ATG2B: variants seen among roughly 807,000 people sequenced by gnomAD.
ATG2B encodes the protein autophagy related 2B, also known as autophagy-related protein 2 homolog B.
In ATG2B, 121 loss-of-function variants were observed where a neutral mutation model predicts 241.3. The ratio of observed to expected loss-of-function variants is 0.50; its 90% CI spans 0.43 to 0.58. The LOEUF (loss-of-function observed/expected upper bound fraction) is 0.58, where lower values mean the gene tolerates loss of function less well. Ranked by LOEUF, ATG2B falls within the 20% of genes least tolerant of loss-of-function variation. The pLI, the probability that ATG2B is intolerant of heterozygous loss-of-function variation, is 0.00. For missense variants in ATG2B, 2,306 were observed against 2,491.6 expected (o/e 0.93, Z 1.59); for synonymous variants, 858 against 876.6 (o/e 0.98, Z 0.37).
At chr14:96,327,403 G>C (rs376076205) in intron 14 of ATG2B, among the ~76,000 whole-genome samples, 1 of 152,048 alleles carries the variant, frequency 6.6e-6, no homozygotes, top group Non-Finnish European at 1.5e-5. Flanking sequence ...ATTCCTAACA[G>C]ACTTCTTGCA....
At chr14:96,309,303 A>G (rs1887085377) in intron 29 of ATG2B, 150 bp downstream of exon 29, 2 of 964,988 alleles carry the variant, frequency 2.1e-6, no homozygotes, top group Non-Finnish European at 3.0e-6. Flanking sequence ...TATTTACTAG[A>G]CACTGAGTAG....
At position 96,315,481 on chromosome 14, in the gene ATG2B, A is replaced by T. The variant is rs748010914; in HGVS notation, c.3464T>A (p.Leu1155His). The T allele has an allele frequency of 1.2e-6, 2 of 1,614,062 alleles. No homozygotes were observed. The highest frequency in any genetic ancestry group is 1.7e-6 in the Non-Finnish European group (2 of 1,180,000). Residue 1155 changes from leucine (L) to histidine (H), a missense_variant, in exon 22 of 42, where the codon CTC becomes CAC. Physicochemically the swap from Leu to His is moderately conservative, Grantham distance 99. Transcript: ENST00000359933. Reference sequence around the variant, plus strand: ...AACTCCATCTGAAGAAGTTTTACTGAGGCCATCTTCTTCAGAGGAATAAAT... The same window carrying T: ...AACTCCATCTGAAGAAGTTTTACTGTGGCCATCTTCTTCAGAGGAATAAAT... Reference protein sequence around the residue: ...PTIYSSEEDGLSKTSSDGVGG... With the variant: ...PTIYSSEEDGHSKTSSDGVGG...
rs527584647 is a variant in ATG2B at position 96,317,300 on chromosome 14, C to A, written c.3055G>T (p.Glu1019Ter). The A allele has an allele frequency of 6.2e-7, 1 of 1,612,290 alleles. No homozygotes were observed. Among genetic ancestry groups the A allele is most frequent in the East Asian group, 2.2e-5 (1 of 44,812 alleles). ...AVHYDEESGS[E>*]EETLQYFSTV... Reference sequence around the variant, plus strand: ...GAAAAATACTGCAAAGTCTCCTCCTCAGATCCACTTTCCTCATCTATGAGA... The same window carrying A: ...GAAAAATACTGCAAAGTCTCCTCCTAAGATCCACTTTCCTCATCTATGAGA... Residue 1019 changes from glutamate (E) to a stop codon, truncating the protein, a stop_gained, in exon 20 of 42, where the codon GAG becomes TAG. Transcript: ENST00000359933. LOFTEE classifies it high-confidence loss of function.
chr14:96,292,070 T>G lies in ATG2B; in HGVS notation c.5455A>C (p.Ile1819Leu). 6.3e-7 allele frequency: 1 copy of G among 1,598,264 alleles called. No individual in the cohort carries two copies. Among genetic ancestry groups the G allele is most frequent in the South Asian group, 1.1e-5 (1 of 88,298 alleles). The change falls in exon 37 of 42, where the codon ATT (isoleucine) becomes CTT (leucine). Residue 1819 changes from isoleucine to leucine, a missense_variant. Coordinates refer to ENST00000359933, the MANE Select transcript of ATG2B (RefSeq NM_018036.7). The stretch of plus-strand genomic sequence containing the variant: ...TGTTTGCCATGATAATCAAGTCGAA[T>G]GGGAACTTCTGACGTGAATCTAAAT... ...REFRFTSEVP[I>L]RLDYHGKHVS...
At chr14:96,287,684 A>C (rs1886376122) in intron 41 of ATG2B, among the ~76,000 whole-genome samples, 4 of 152,242 alleles carry the variant, frequency 2.6e-5, no homozygotes, top group Admixed American at 2.6e-4. Flanking sequence ...CACCCTCGTA[A>C]GTGCCTGACT....
rs1173818666 is a variant in ATG2B, at chr14:96,317,274, G to A, written c.3081C>T (p.Ser1027=). ...GSEEETLQYF[S]TVDPNYRSRR... ...GAGAACGATAGTTGGGATCAACAGTGGAAAAATACTGCAAAGTCTCCTCCT... is the reference window on the plus strand; with the variant it reads ...GAGAACGATAGTTGGGATCAACAGTAGAAAAATACTGCAAAGTCTCCTCCT... Residue 1027 remains serine (S), a synonymous_variant, in exon 20 of 42, where the codon TCC becomes TCT. Transcript: ENST00000359933. 1.2e-6 allele frequency: 2 copies of A among 1,613,238 alleles called. No individual in the cohort carries two copies. The highest frequency in any genetic ancestry group is 1.7e-6 in the Non-Finnish European group (2 of 1,179,590).
intron 27 of ATG2B, 119 bp downstream of exon 27, chr14:96,311,423 T>G: frequency 8.6e-7 from 1 of 1,167,380 alleles, no homozygotes; most frequent in Non-Finnish European, 1.2e-6. Context: ...AATAAATCCA[T>G]TTTTAATATA....
At chr14:96,347,479 A>T (rs1475967541) in intron 1 of ATG2B, 138 bp from the exon 2 acceptor site, 2 of 580,018 alleles carry the variant, frequency 3.4e-6, no homozygotes, top group African/African-American at 1.8e-5. Context: ...AAGTACAGGC[A>T]ATCAAAGCAA....
intron 6 of ATG2B, among the ~76,000 whole-genome samples, chr14:96,340,209 TTG>T (rs199502512): frequency 0.013 from 1,210 of 90,142 alleles, 25 homozygotes; most frequent in East Asian, 0.098. Context: ...ACACACATCT[TTG>T]TGTGTGTGTG....
intron 19 of ATG2B, 107 bp downstream of exon 19, chr14:96,317,591 T>C (rs749015212): frequency 4.2e-5 from 42 of 1,006,582 alleles, no homozygotes; most frequent in Non-Finnish European, 5.9e-5. Flanking sequence ...TTGCAAAATA[T>C]AGTTACAATG....
At position 96,315,171 on chromosome 14, in the gene ATG2B, G is replaced by A. The variant is rs1233409390; in HGVS notation, c.3625C>T (p.Leu1209Phe). The A allele has an allele frequency of 1.2e-6, 2 of 1,613,944 alleles. No individual in the cohort carries two copies. Among genetic ancestry groups the A allele is most frequent in the Admixed American group, 1.7e-5 (1 of 60,016 alleles). The change falls in exon 23 of 42, where the codon CTT (leucine) becomes TTT (phenylalanine). Residue 1209 changes from leucine to phenylalanine, a missense_variant. Physicochemically the swap from Leu to Phe is conservative, Grantham distance 22. This residue lies in a region of ATG2B where 1,927 missense variants were observed against 2,011.2 expected (regional missense o/e 0.96). Coordinates refer to ENST00000359933, the MANE Select transcript of ATG2B (RefSeq NM_018036.7). ...TLQHRMLPSG[L>F]SWHEQILYFL... is the part of the protein sequence containing the mutation. The stretch of plus-strand genomic sequence containing the variant: ...TCTCTTACCTGCTCATGCCAGCTAA[G>A]CCCAGAAGGAAGCATTCTATGCTGG...
chr14:96,357,581 C>T (rs904066022), intron 1 of ATG2B, among the ~76,000 whole-genome samples: 7 of 152,164 alleles, frequency 4.6e-5, no homozygotes, highest in African/African-American at 1.7e-4. Flanking sequence ...GTGGAGAAAA[C>T]CTGCTCCTTC....
intron 36 of ATG2B, chr14:96,293,194 T>C (rs1432937281): frequency 1.3e-5 from 2 of 152,116 alleles, no homozygotes; most frequent in African/African-American, 4.8e-5. Context: ...TCCTAAGCCA[T>C]CTCACCAAAG....
intron 18 of ATG2B, among the ~76,000 whole-genome samples, chr14:96,319,682 T>A (rs1349337015): frequency 5.3e-5 from 8 of 152,204 alleles, no homozygotes; most frequent in Admixed American, 2.6e-4. Context: ...GCTTCCTGCT[T>A]CTGAGAGCTG....
intron 11 of ATG2B, 118 bp from the exon 12 acceptor site, chr14:96,329,752 A>G: frequency 1.7e-6 from 1 of 578,838 alleles, no homozygotes; most frequent in Non-Finnish European, 2.8e-6. Flanking sequence ...AACCAGAAAG[A>G]TTGCTTCAAA....
intron 25 of ATG2B, among the ~76,000 whole-genome samples, chr14:96,312,630 G>C (rs1442174451): frequency 6.6e-6 from 1 of 152,020 alleles, no homozygotes; most frequent in African/African-American, 2.4e-5. Flanking sequence ...CACGTCTATA[G>C]TCCTAGCTAC....
At chr14:96,345,464 A>G (rs1448689002) in intron 2 of ATG2B, 79 bp from the exon 3 acceptor site, 2 of 1,058,988 alleles carry the variant, frequency 1.9e-6, no homozygotes, top group African/African-American at 3.3e-5. Flanking sequence ...TACATTTCAA[A>G]TAGACAAATT....
chr14:96,320,284 A>T (rs1412157872), intron 18 of ATG2B, among the ~76,000 whole-genome samples: 1 of 152,180 alleles, frequency 6.6e-6, no homozygotes, highest in Non-Finnish European at 1.5e-5. Flanking sequence ...GTCTGGCTTC[A>T]AATCTGCTTG....
chr14:96,353,696 T>C (rs1888396689), intron 1 of ATG2B, among the ~76,000 whole-genome samples: 3 of 151,288 alleles, frequency 2.0e-5, no homozygotes, highest in East Asian at 1.9e-4. Context: ...CACTAGAAAA[T>C]ATTTGCTTAA....
Sources: allele counts gnomAD v4.1 joint callset (sites outside exome capture counted in the v4.1 genomes callset), GRCh38; gene constraint gnomAD v4.1.1; regional missense constraint gnomAD v4.1.1; transcripts MANE v1.5; gene names NCBI Gene and HGNC (gene_info 2026-07-23, HGNC 2026-07-21).